CAPN15: variants seen among roughly 807,000 people sequenced by gnomAD.
The protein encoded by CAPN15 is calpain 15.
CAPN15 carries 53 observed loss-of-function variants against 97.9 expected under a neutral mutation model. The observed-to-expected ratio is 0.54, with a 90% CI of 0.43 to 0.68. The LOEUF is 0.68. CAPN15 is among the 30% of genes least tolerant of loss of function. The pLI is 0.00. For synonymous variants in CAPN15, 922 were observed against 722.5 expected (o/e 1.28, Z -4.43); for missense variants, 1,592 against 1,589.8 (o/e 1.00, Z -0.02).
Position 547,030 on chromosome 16 carries a change from C to G in CAPN15, c.192C>G (p.Cys64Trp), listed in dbSNP as rs775059866. Residue 64 changes from cysteine (C) to tryptophan (W), a missense_variant, in exon 4 of 14, where the codon TGC (cysteine) becomes TGG (tryptophan). Physicochemically the swap from Cys to Trp is radical, Grantham distance 215. Around this residue, in one of 3 missense-constraint regions of CAPN15, gnomAD observed 883 missense variants for 776.6 expected, o/e 1.14. Transcript: ENST00000219611. ...GCAACTTCCTGGGCAAGGAGGCCTG[C>G]GAGGTGTGCGGCTTCACCCCGGAGC... Reference protein sequence around the residue: ...TFRNFLGKEACEVCGFTPEPA... With the variant: ...TFRNFLGKEAWEVCGFTPEPA... The G allele has an allele frequency of 1.2e-6, 2 of 1,609,270 alleles. No individual in the cohort carries two copies. Among genetic ancestry groups the G allele is most frequent in the Admixed American group, 3.3e-5 (2 of 59,946 alleles).
At chr16:542,063 G>T (rs900786259) in intron 3 of CAPN15, among the ~76,000 whole-genome samples, 1 of 120,846 alleles carries the variant, frequency 8.3e-6, no homozygotes, top group Non-Finnish European at 1.9e-5. Context: ...GCGTGGACGT[G>T]GGGCCACAGG....
chr16:540,790 A>C lies in CAPN15; in HGVS notation c.-23+4648A>C, dbSNP rs116875075. Among the ~76,000 whole-genome samples the C allele has an allele frequency of 2.0e-3, 302 of 152,244 alleles. 6 individuals are homozygous for C. In the East Asian group the frequency reaches 0.054, roughly 27 times the overall value. On this transcript the variant is annotated intron_variant, in intron 3 of 13. Transcript: ENST00000219611. The stretch of plus-strand genomic sequence containing the variant: ...CACAGGCCACATGGCTTGGTGGCCG[A>C]ACTCCACGTGCTGGCTCCTCACAGC...
intron 1 of CAPN15, among the ~76,000 whole-genome samples, chr16:531,968 G>A (rs907516348): frequency 2.0e-5 from 3 of 152,170 alleles, no homozygotes; most frequent in African/African-American, 4.8e-5. Context: ...GGCTGGGTGC[G>A]GTGGCTGACA....
chr16:544,117 T>C (rs1034613569), intron 3 of CAPN15, among the ~76,000 whole-genome samples: 1 of 151,084 alleles, frequency 6.6e-6, no homozygotes, highest in African/African-American at 2.5e-5. Flanking sequence ...AGACCCCCCC[T>C]GGCAAGGCTG....
chr16:542,081 G>T (rs576609523), intron 3 of CAPN15, among the ~76,000 whole-genome samples: 2 of 151,432 alleles, frequency 1.3e-5, no homozygotes, highest in Admixed American at 1.3e-4. Context: ...AGGACGTGGG[G>T]CCCCGTGTCT....
At chr16:528,688 CT>C in intron 1 of CAPN15, 1 of 985,056 alleles carries the variant, frequency 1.0e-6, no homozygotes, top group Non-Finnish European at 1.2e-6. Flanking sequence ...TCGGGGCCCC[CT>C]TACTGCTCTG....
chr16:552,116 G>A lies in CAPN15; in HGVS notation c.2411G>A (p.Cys804Tyr). The A allele has an allele frequency of 6.5e-7, 1 of 1,548,586 alleles. No homozygotes were observed. The highest frequency in any genetic ancestry group is 8.7e-7 in the Non-Finnish European group (1 of 1,146,656). The change falls in exon 10 of 14, where the codon TGC becomes TAC. Residue 804 changes from cysteine to tyrosine, a missense_variant. Physicochemically the swap from Cys to Tyr is radical, Grantham distance 194. Transcript: ENST00000219611. The surrounding 1 kb of genome is among the most constrained non-coding windows in gnomAD (Gnocchi z 6.4). ...SDWQEARVQG[C>Y]FPSSASAPVG... ...TGGCAGGAGGCGCGGGTGCAGGGCTGCTTTCCCAGCTCGGCCAGCGCGCCC... is the reference window on the plus strand; with the variant it reads ...TGGCAGGAGGCGCGGGTGCAGGGCTACTTTCCCAGCTCGGCCAGCGCGCCC...
chr16:551,674 C>CCGTGGGGCGGTGTG lies in CAPN15; in HGVS notation c.2345+12_2345+25dup, dbSNP rs1471179005. The CCGTGGGGCGGTGTG allele has an allele frequency of 2.5e-6, 4 of 1,586,156 alleles. No homozygotes were observed. Among genetic ancestry groups the CCGTGGGGCGGTGTG allele is most frequent in the Non-Finnish European group, 3.4e-6 (4 of 1,168,786 alleles). ...ACGGCGACTTTGTCAGGTATCGGCACCGTGGGGCGGTGTGCACGCCGCCCC... is the reference window on the plus strand; with the variant it reads ...ACGGCGACTTTGTCAGGTATCGGCACCGTGGGGCGGTGTGCGTGGGGCGGTGTGCACGCCGCCCC... On this transcript the variant is annotated intron_variant, in intron 9 of 13. Transcript: ENST00000219611.
intron 3 of CAPN15, chr16:537,330 C>T (rs966492682): frequency 1.0e-6 from 1 of 985,438 alleles, no homozygotes; most frequent in African/African-American, 1.7e-5. Context: ...CTGGGTGCAG[C>T]TGGGCACCAC....
At position 545,191 on chromosome 16, in the gene CAPN15, C is replaced by T. The variant is rs966250114; in HGVS notation, c.-22-1626C>T. Among the ~76,000 whole-genome samples, 6 of 152,100 alleles carry T rather than the reference C, an allele frequency of 3.9e-5. No individual in the cohort carries two copies. In the East Asian group the frequency reaches 5.8e-4, roughly 15 times the overall value. ...ACCCCATCTCTAAAGTTCAAAACAACATCTTTGTAAGGGTTTCGGGTCTCT... is the reference window on the plus strand; with the variant it reads ...ACCCCATCTCTAAAGTTCAAAACAATATCTTTGTAAGGGTTTCGGGTCTCT... On this transcript the variant is annotated intron_variant, in intron 3 of 13. Transcript: ENST00000219611.
intron 1 of CAPN15, among the ~76,000 whole-genome samples, chr16:531,780 C>T (rs538771147): frequency 1.3e-5 from 2 of 152,210 alleles, no homozygotes; most frequent in Non-Finnish European, 2.9e-5. Flanking sequence ...CCGTCCCCTT[C>T]TCTGGGGTGA....
At chr16:539,531 C>T (rs1431175217) in intron 3 of CAPN15, 1 of 152,280 alleles carries the variant, frequency 6.6e-6, no homozygotes, top group Non-Finnish European at 1.5e-5. Flanking sequence ...GCAGGGGTGG[C>T]TCTCGCCCCT....
intron 3 of CAPN15, chr16:539,474 C>G (rs1208492475): frequency 2.0e-5 from 3 of 152,276 alleles, no homozygotes; most frequent in African/African-American, 7.2e-5. Context: ...ACAGGTGGGC[C>G]GCGTGTCAGA....
intron 1 of CAPN15, among the ~76,000 whole-genome samples, chr16:530,561 G>A (rs2033178393): frequency 6.6e-6 from 1 of 152,222 alleles, no homozygotes; most frequent in African/African-American, 2.4e-5. Context: ...CTGTGGGTTG[G>A]GGCTGGACCT....
intron 3 of CAPN15, chr16:540,348 G>T (rs1470989189): frequency 1.0e-6 from 1 of 985,450 alleles, no homozygotes; most frequent in East Asian, 1.1e-4. Flanking sequence ...GGCAGCACCA[G>T]CCCCCACGGC....
At chr16:553,291 C>G (rs370209698) in intron 13 of CAPN15, 48 bp from the exon 14 acceptor site, 7 of 1,408,436 alleles carry the variant, frequency 5.0e-6, no homozygotes, top group Non-Finnish European at 5.9e-6. Flanking sequence ...AGCCCTGCCC[C>G]CATCCCCACC....
intron 3 of CAPN15, among the ~76,000 whole-genome samples, chr16:545,621 G>A (rs1457609432): frequency 1.3e-5 from 2 of 152,246 alleles, no homozygotes; most frequent in South Asian, 2.1e-4. Context: ...CCCCGCTGGC[G>A]ATTGTTTGGT....
At chr16:545,583 C>T (rs1361129425) in intron 3 of CAPN15, among the ~76,000 whole-genome samples, 1 of 152,254 alleles carries the variant, frequency 6.6e-6, no homozygotes, top group Non-Finnish European at 1.5e-5. Flanking sequence ...GCCAGGATGA[C>T]TCCGAAAGGT....
In CAPN15 at chr16:547,351, G is replaced by C. The variant is rs2034662382; in HGVS notation, c.513G>C (p.Arg171Ser). 1.9e-6 allele frequency: 3 copies of C among 1,544,868 alleles called. No individual in the cohort carries two copies. Among genetic ancestry groups the C allele is most frequent in the South Asian group, 1.2e-5 (1 of 85,372 alleles). ...SSCSVCGGPRRLSLPRIPPEA... is the reference protein window; with the variant it reads ...SSCSVCGGPRSLSLPRIPPEA... Reference sequence around the variant, plus strand: ...GCTCCGTCTGCGGGGGCCCACGCAGGCTCTCGCTGCCACGGATCCCTCCTG... The same window carrying C: ...GCTCCGTCTGCGGGGGCCCACGCAGCCTCTCGCTGCCACGGATCCCTCCTG... Residue 171 changes from arginine to serine, a missense_variant, in exon 4 of 14, where the codon AGG becomes AGC. Physicochemically the swap from Arg to Ser is moderately radical, Grantham distance 110 (BLOSUM62 -1). Transcript: ENST00000219611.
Sources: gnomAD v4.1 joint callset for allele counts (sites outside exome capture counted in the v4.1 genomes callset) on GRCh38, gnomAD v4.1.1 for gene constraint, gnomAD v4.1.1 regional missense constraint, Gnocchi (gnomAD v3.1) non-coding constraint, MANE v1.5 for transcripts, NCBI Gene and HGNC (gene_info 2026-07-23, HGNC 2026-07-21) for gene names.